Variants in RELL1 observed in about 807,000 individuals in gnomAD.
The protein encoded by RELL1 is RELT-like protein 1.
In RELL1, 10 loss-of-function variants were observed where a neutral mutation model predicts 23.0. The ratio of observed to expected loss-of-function variants is 0.43; its 90% CI spans 0.27 to 0.74. RELL1 has a LOEUF of 0.74. RELL1 is among the 30% of genes least tolerant of loss of function. The pLI is 0.19. For synonymous variants in RELL1, 146 were observed against 146.8 expected (o/e 0.99, Z 0.04); for missense variants, 315 against 364.4 (o/e 0.86, Z 1.10).
chr4:37,656,492 T>C (rs895153830), intron 1 of RELL1, among the ~76,000 whole-genome samples: 2 of 152,232 alleles, frequency 1.3e-5, no homozygotes, highest in African/African-American at 2.4e-5. Flanking sequence ...TCATGTTAAG[T>C]GTTTTTACCA....
chr4:37,612,146 C>T lies in RELL1; in HGVS notation c.*1200G>A, dbSNP rs1436688664. ...GAGCTGAGATCGTGCCACTGCACTC[C>T]AGCCTGGGCGACAGAGCGAGACTCC... On this transcript the variant is annotated 3_prime_UTR_variant, in exon 7 of 7. Transcript: ENST00000454158. Among the ~76,000 whole-genome samples the T allele has an allele frequency of 1.5e-5, 2 of 133,830 alleles. No individual in the cohort carries two copies. Among genetic ancestry groups the T allele is most frequent in the African/African-American group, 5.8e-5 (2 of 34,770 alleles). 87.8% of individuals were successfully genotyped at this position (133,830 alleles called of 152,430 possible).
chr4:37,588,990 A>G, downstream of RELL1: 2 of 955,518 alleles, frequency 2.1e-6, no homozygotes, highest in South Asian at 2.7e-5. Flanking sequence ...CAGTGCATTT[A>G]TCCAGCTTGG....
intron 6 of RELL1, among the ~76,000 whole-genome samples, chr4:37,617,028 C>T (rs1043622220): frequency 3.3e-5 from 5 of 152,176 alleles, no homozygotes; most frequent in Admixed American, 6.5e-5. Flanking sequence ...TAAATTAACA[C>T]GGATACCTTC....
rs182240474 is a variant in RELL1, at chr4:37,677,182, A to T, written c.88+9018T>A. ...CCTACATCCAAGGAGCTGAGAAACC[A>T]GGCCCTTGAGCATGAGGATCAAGGG... is the stretch of plus-strand genomic sequence containing the variant. On this transcript the variant is annotated intron_variant, in intron 1 of 6. Transcript: ENST00000454158. 8.6e-3 allele frequency among the ~76,000 whole-genome samples: 1,312 copies of T among 152,358 alleles called. 65 individuals carry two copies. Among genetic ancestry groups the T allele is most frequent in the Admixed American group, 0.074 (1,136 of 15,300 alleles).
chr4:37,661,057 C>A (rs1560352508), intron 1 of RELL1, among the ~76,000 whole-genome samples: 1 of 151,016 alleles, frequency 6.6e-6, no homozygotes, highest in South Asian at 2.1e-4. Flanking sequence ...AAACAAAAAA[C>A]CACAAACAAA....
intron 6 of RELL1, among the ~76,000 whole-genome samples, chr4:37,618,836 C>G (rs937840763): frequency 6.6e-6 from 1 of 152,086 alleles, no homozygotes; most frequent in Admixed American, 6.6e-5. Context: ...TCTCCCTGCA[C>G]CCTCTTGATT....
chr4:37,645,851 G>A (rs1017876336), intron 3 of RELL1, among the ~76,000 whole-genome samples: 42 of 152,322 alleles, frequency 2.8e-4, no homozygotes, highest in African/African-American at 8.7e-4. Context: ...TCAACCATAC[G>A]AAACTGCTGT....
At chr4:37,674,268 A>G (rs1389144660) in intron 1 of RELL1, among the ~76,000 whole-genome samples, 1 of 152,256 alleles carries the variant, frequency 6.6e-6, no homozygotes, top group Non-Finnish European at 1.5e-5. Context: ...ATAGCACCTG[A>G]CGATATCTCA....
chr4:37,669,295 G>C (rs528322449), intron 1 of RELL1, among the ~76,000 whole-genome samples: 3 of 142,680 alleles, frequency 2.1e-5, no homozygotes, highest in East Asian at 4.3e-4. Context: ...GCCTCTGCCC[G>C]GCCGCCTCTA....
chr4:37,681,753 T>C (rs1392708148), intron 1 of RELL1, among the ~76,000 whole-genome samples: 1 of 152,082 alleles, frequency 6.6e-6, no homozygotes, highest in Non-Finnish European at 1.5e-5. Flanking sequence ...GGTCTTGAAC[T>C]CCTGACCTCG....
intron 6 of RELL1, among the ~76,000 whole-genome samples, chr4:37,614,618 G>T (rs576866557): frequency 2.7e-5 from 4 of 150,388 alleles, no homozygotes; most frequent in Admixed American, 6.6e-5. Flanking sequence ...AAACATTCTA[G>T]CAGAGGGGGA....
Position 37,679,474 on chromosome 4 carries a change from G to A in RELL1, c.88+6726C>T, listed in dbSNP as rs373593351. ...ACACAAATAAATGAGTCACAGAAGC[G>A]AAAATGCAGGACCATAATCCCTTAT... On this transcript the variant is annotated intron_variant, in intron 1 of 6. Coordinates refer to ENST00000454158, the MANE Select transcript of RELL1 (RefSeq NM_001085400.2). 6.6e-5 allele frequency among the ~76,000 whole-genome samples: 10 copies of A among 152,266 alleles called. No homozygotes were observed. The East Asian group carries it at 9.7e-4, about 15-fold the overall frequency.
intron 6 of RELL1, among the ~76,000 whole-genome samples, chr4:37,604,830 CATACACACAGACACACACACAG>C (rs1719123757): frequency 6.8e-5 from 3 of 43,894 alleles, no homozygotes; most frequent in South Asian, 6.9e-4. Flanking sequence ...CAGACACACA[CATACACACAGACACACACACAG>C]ACACACACAC....
intron 6 of RELL1, among the ~76,000 whole-genome samples, chr4:37,592,225 AAAAG>A (rs1213344406): frequency 6.6e-6 from 1 of 151,078 alleles, no homozygotes; most frequent in Non-Finnish European, 1.5e-5. Flanking sequence ...AAAAAAAAAA[AAAAG>A]AGCTAAGCTA....
chr4:37,683,001 T>C (rs1372806375), intron 1 of RELL1, among the ~76,000 whole-genome samples: 1 of 152,192 alleles, frequency 6.6e-6, no homozygotes, highest in African/African-American at 2.4e-5. Flanking sequence ...GTGCTTGTGG[T>C]ATATAGTTTC....
chr4:37,597,940 A>C (rs777202837), intron 6 of RELL1, among the ~76,000 whole-genome samples: 27 of 151,724 alleles, frequency 1.8e-4, no homozygotes, highest in Non-Finnish European at 3.5e-4. Context: ...AATCCCAGCT[A>C]CTTGGGAGGC....
intron 6 of RELL1, among the ~76,000 whole-genome samples, chr4:37,598,284 A>AAAAAAAAAAAAAAAG (rs869260737): frequency 7.7e-5 from 9 of 117,256 alleles, no homozygotes; most frequent in African/African-American, 1.5e-4. Flanking sequence ...AAAAAAAAAA[A>AAAAAAAAAAAAAAAG]GTTTATAGGA....
chr4:37,622,991 G>C, intron 6 of RELL1: 1 of 367,678 alleles, frequency 2.7e-6, no homozygotes, highest in Non-Finnish European at 5.3e-6. Flanking sequence ...TTTTAGTAGA[G>C]ATGGGGTTTC....
chr4:37,660,728 A>C (rs1721298917), intron 1 of RELL1, among the ~76,000 whole-genome samples: 1 of 152,196 alleles, frequency 6.6e-6, no homozygotes, highest in Non-Finnish European at 1.5e-5. Flanking sequence ...GCTCAAGGTC[A>C]CATGGTTAAA....
Sources: allele counts gnomAD v4.1 joint callset (sites outside exome capture counted in the v4.1 genomes callset), GRCh38; gene constraint gnomAD v4.1.1; transcripts MANE v1.5; gene names NCBI Gene and HGNC (gene_info 2026-07-23, HGNC 2026-07-21).